Variants in LAMA3 observed in about 807,000 individuals in gnomAD.
The protein encoded by LAMA3 is laminin subunit alpha 3, also known as laminin subunit alpha-3.
Under a neutral mutation model 402.0 loss-of-function variants are expected in LAMA3, and 281 were observed. The ratio of observed to expected loss-of-function variants is 0.70; its 90% CI spans 0.63 to 0.77. LAMA3 has a LOEUF of 0.77. Among genes scored for constraint, LAMA3 ranks in the 30% least tolerant of loss-of-function variants. The pLI, the probability that LAMA3 is intolerant of heterozygous loss-of-function variation, is 0.00. For synonymous variants in LAMA3, 1,431 were observed against 1,558.4 expected (o/e 0.92, Z 1.93); for missense variants, 3,840 against 4,215.5 (o/e 0.91, Z 2.47).
intron 40 of LAMA3, among the ~76,000 whole-genome samples, chr18:23,884,515 A>AG (rs1364591821): frequency 6.6e-6 from 1 of 152,140 alleles, no homozygotes; most frequent in East Asian, 1.9e-4. Context: ...CTCTGTCTTA[A>AG]GGGGAAAAAA....
intron 74 of LAMA3, among the ~76,000 whole-genome samples, chr18:23,953,942 A>C (rs2083019563): frequency 6.6e-6 from 1 of 152,168 alleles, no homozygotes; most frequent in Admixed American, 6.5e-5. Flanking sequence ...TTACCCATAA[A>C]AAGTACCAGT....
intron 55 of LAMA3, among the ~76,000 whole-genome samples, chr18:23,912,460 C>G (rs2081465507): frequency 6.6e-6 from 1 of 152,130 alleles, no homozygotes; most frequent in African/African-American, 2.4e-5. Flanking sequence ...ACTAAATGCA[C>G]TGCTCAAATA....
intron 12 of LAMA3, among the ~76,000 whole-genome samples, chr18:23,785,893 C>T (rs566204946): frequency 6.6e-6 from 1 of 152,222 alleles, no homozygotes; most frequent in South Asian, 2.1e-4. Context: ...AATAATACAA[C>T]ACTTTAAGAA....
chr18:23,913,446 T>C (rs2081504402), intron 56 of LAMA3, among the ~76,000 whole-genome samples: 1 of 152,238 alleles, frequency 6.6e-6, no homozygotes, highest in Admixed American at 6.5e-5. Flanking sequence ...CTACTATCAG[T>C]GTAAATTCAC....
At chr18:23,773,367 A>T (rs1349847543) in intron 8 of LAMA3, 130 bp from the exon 9 acceptor site, 5 of 741,626 alleles carry the variant, frequency 6.7e-6, no homozygotes, top group Admixed American at 2.1e-5. Context: ...TGCTTTTTTA[A>T]ATTATTATTT....
rs1301021959 is a variant in LAMA3, at chr18:23,946,260, A to T, written c.9327A>T (p.Gly3109=). ...GCATCAGAGCGCCAGTTTACCTGGG[A>T]TCACCTCCATCAGGGAAACCAAAGG... The part of the protein sequence containing the change: ...TISIRAPVYL[G]SPPSGKPKSL... The change falls in exon 70 of 75, where the codon GGA becomes GGT. Residue 3109 remains glycine, a synonymous_variant. Transcript: ENST00000313654. The T allele has an allele frequency of 1.2e-6, 2 of 1,614,054 alleles. No individual in the cohort carries two copies. The highest frequency in any genetic ancestry group is 1.7e-6 in the Non-Finnish European group (2 of 1,180,036).
chr18:23,937,572 T>C (rs2082352971), intron 67 of LAMA3, among the ~76,000 whole-genome samples: 1 of 152,032 alleles, frequency 6.6e-6, no homozygotes, highest in Non-Finnish European at 1.5e-5. Flanking sequence ...CTTTAAAGGA[T>C]GATGATGCCA....
rs770816949 is a variant in LAMA3 at position 23,931,124 on chromosome 18, C to T, written c.8499C>T (p.Gly2833=). 49 of 1,612,398 alleles carry T rather than the reference C, an allele frequency of 3.0e-5. No homozygotes were observed. Among genetic ancestry groups the T allele is most frequent in the Non-Finnish European group, 3.9e-5 (46 of 1,178,530 alleles). ...TTGAATTGAGCACCAGCGATAGCGG[C>T]GGCCCAATTTTTAAATCTCCACAGA... is the stretch of plus-strand genomic sequence containing the variant. ...GYIELSTSDS[G]GPIFKSPQTY... is the part of the protein sequence containing the mutation. The change falls in exon 65 of 75, where the codon GGC becomes GGT. Residue 2833 remains glycine (G), a synonymous_variant. Transcript: ENST00000313654.
intron 41 of LAMA3, among the ~76,000 whole-genome samples, chr18:23,888,710 G>A (rs2080527892): frequency 1.3e-5 from 2 of 152,138 alleles, no homozygotes; most frequent in Admixed American, 1.3e-4. Flanking sequence ...GAAGTACATG[G>A]TAACGTGTAT....
intron 2 of LAMA3, among the ~76,000 whole-genome samples, chr18:23,727,619 CT>C (rs1309500771): frequency 2.6e-5 from 4 of 151,974 alleles, no homozygotes; most frequent in South Asian, 2.1e-4. Flanking sequence ...GCCACCTCCC[CT>C]GGCCCCTTGT....
chr18:23,944,067 G>A, intron 69 of LAMA3, 96 bp downstream of exon 69: 2 of 1,245,978 alleles, frequency 1.6e-6, no homozygotes, highest in Non-Finnish European at 2.3e-6. Context: ...CCAGACATGA[G>A]GGCGTGGAGT....
At chr18:23,886,192 G>A (rs1176537622) in intron 41 of LAMA3, among the ~76,000 whole-genome samples, 1 of 152,202 alleles carries the variant, frequency 6.6e-6, no homozygotes, top group Non-Finnish European at 1.5e-5. Context: ...AATTGTAAAA[G>A]TGGATTCTTT....
chr18:23,791,270 C>A (rs1396930361), intron 12 of LAMA3, among the ~76,000 whole-genome samples: 3 of 152,222 alleles, frequency 2.0e-5, no homozygotes, highest in Non-Finnish European at 2.9e-5. Flanking sequence ...GTCCTATAAT[C>A]TTTACATAAC....
intron 32 of LAMA3, among the ~76,000 whole-genome samples, chr18:23,855,509 C>T (rs1472217529): frequency 6.6e-6 from 1 of 152,206 alleles, no homozygotes; most frequent in East Asian, 1.9e-4. Flanking sequence ...ACAGGCTTTA[C>T]ATTTTTGCCA....
intron 70 of LAMA3, chr18:23,946,825 T>G (rs768202965): frequency 6.1e-6 from 1 of 164,258 alleles, no homozygotes; most frequent in Non-Finnish European, 1.3e-5. Flanking sequence ...AACCAAACAC[T>G]GTTAATATCA....
Position 23,954,607 on chromosome 18 carries a change from G to C in LAMA3, c.9961G>C (p.Val3321Leu), listed in dbSNP as rs747157689. ...TGTCCCTGTCACTGAAGCCTTGGAA[G>C]TCCAGGGGCCTGTCAGTCTGAATGG... ...IPVPVTEALE[V>L]QGPVSLNGCP... is the part of the protein sequence containing the mutation. The change falls in exon 75 of 75, where the codon GTC becomes CTC. Residue 3321 changes from valine (V) to leucine (L), a missense_variant. Physicochemically the swap from Val to Leu is conservative, Grantham distance 32. Coordinates refer to ENST00000313654, the MANE Select transcript of LAMA3 (RefSeq NM_198129.4). 6.2e-7 allele frequency: 1 copy of C among 1,614,008 alleles called. No homozygotes were observed. Among genetic ancestry groups the C allele is most frequent in the South Asian group, 1.1e-5 (1 of 91,070 alleles).
chr18:23,780,790 G>C (rs2062421908), intron 11 of LAMA3, among the ~76,000 whole-genome samples: 1 of 152,196 alleles, frequency 6.6e-6, no homozygotes, highest in Non-Finnish European at 1.5e-5. Context: ...CTTGGAAAAT[G>C]TTGAAGGATC....
At chr18:23,899,544 A>T (rs143170991) in intron 47 of LAMA3, 89 bp downstream of exon 47, 1 of 1,308,910 alleles carries the variant, frequency 7.6e-7, no homozygotes, top group African/African-American at 1.5e-5. Context: ...TCCCCGTTAT[A>T]GGTGGAAGGC....
At chr18:23,794,912 A>G (rs2062733340) in intron 12 of LAMA3, among the ~76,000 whole-genome samples, 1 of 152,184 alleles carries the variant, frequency 6.6e-6, no homozygotes, top group South Asian at 2.1e-4. Context: ...AACTCTCGAC[A>G]TTATTTTCAC....
Sources: gnomAD v4.1 joint callset for allele counts (sites outside exome capture counted in the v4.1 genomes callset) on GRCh38, gnomAD v4.1.1 for gene constraint, MANE v1.5 for transcripts, NCBI Gene and HGNC (gene_info 2026-07-23, HGNC 2026-07-21) for gene names.